Variants in TNFAIP6 observed in about 807,000 individuals in gnomAD.
The protein encoded by TNFAIP6 is TNF alpha induced protein 6.
In TNFAIP6, 36 loss-of-function variants were observed where a neutral mutation model predicts 33.7. That is an observed-to-expected ratio of 1.07 (90% CI 0.82 to 1.41). The LOEUF is 1.41. TNFAIP6 is among the 40% of genes most tolerant of loss of function. The pLI, the probability that TNFAIP6 is intolerant of heterozygous loss-of-function variation, is 0.00. For missense variants in TNFAIP6, 273 were observed against 331.9 expected (o/e 0.82, Z 1.38); for synonymous variants, 113 against 112.8 (o/e 1.00, Z -0.01).
At chr2:151,378,583 G>T (rs946927686) in intron 5 of TNFAIP6, among the ~76,000 whole-genome samples, 1 of 151,690 alleles carries the variant, frequency 6.6e-6, no homozygotes, top group African/African-American at 2.4e-5. Flanking sequence ...CCGCCTCCCG[G>T]GTTCAAGGAT....
At chr2:151,369,324 A>G (rs1045373519) in intron 3 of TNFAIP6, among the ~76,000 whole-genome samples, 2 of 152,162 alleles carry the variant, frequency 1.3e-5, no homozygotes. Flanking sequence ...ATTTATTTTT[A>G]TTTTTATTTT....
intron 3 of TNFAIP6, among the ~76,000 whole-genome samples, chr2:151,368,720 GAGTGACTTTAA>G (rs1684758696): frequency 6.6e-6 from 1 of 152,018 alleles, no homozygotes; most frequent in Non-Finnish European, 1.5e-5. Flanking sequence ...AAGTGGATTA[GAGTGACTTTAA>G]AGTCTCTTGC....
intron 3 of TNFAIP6, 116 bp downstream of exon 3, chr2:151,366,333 A>G (rs1332888931): frequency 1.2e-6 from 1 of 826,440 alleles, no homozygotes; most frequent in Non-Finnish European, 1.9e-6. Context: ...AATAATAACT[A>G]CTACTAATAA....
rs770776220 is a variant in TNFAIP6, at chr2:151,370,012, C to T, written c.395-8C>T. The T allele has an allele frequency of 6.3e-6, 10 of 1,586,476 alleles. No individual in the cohort carries two copies. The highest frequency in any genetic ancestry group is 5.5e-5 in the Admixed American group (3 of 54,720). ...GGGGTTTTTACGTTTTTTTTCTTCT[C>T]ATTTCAGCAAAGGAGTGTGGTGGCG... On this transcript the variant is annotated splice_polypyrimidine_tract_variant and splice_region_variant and intron_variant, in intron 3 of 5. Coordinates refer to ENST00000243347, the MANE Select transcript of TNFAIP6 (RefSeq NM_007115.4).
chr2:151,370,150 G>A lies in TNFAIP6; in HGVS notation c.525G>A (p.Leu175=), dbSNP rs1366463417. 1 of 1,613,974 alleles carries A rather than the reference G, an allele frequency of 6.2e-7. No individual in the cohort carries two copies. Among genetic ancestry groups the A allele is most frequent in the African/African-American group, 1.3e-5 (1 of 74,900 alleles). Residue 175 remains leucine (L), a synonymous_variant, in exon 4 of 6, where the codon CTG becomes CTA. Coordinates refer to ENST00000243347, the MANE Select transcript of TNFAIP6 (RefSeq NM_007115.4). ...IRLKYGQRIH[L]SFLDFDLEDD... ...TCAAGTATGGTCAGCGTATTCACCT[G>A]AGTTTTTTAGATTTTGACCTTGAAG...
Position 151,379,353 on chromosome 2 carries a change from C to T in TNFAIP6, c.665-11C>T. Reference sequence around the variant, plus strand: ...AACATCTTTGTTCTTTTGCCTCCTTCCCCGCAACAGGAAATGTCATGACCT... The same window carrying T: ...AACATCTTTGTTCTTTTGCCTCCTTTCCCGCAACAGGAAATGTCATGACCT... On this transcript the variant is annotated splice_polypyrimidine_tract_variant and intron_variant, in intron 5 of 5. Coordinates refer to ENST00000243347, the MANE Select transcript of TNFAIP6 (RefSeq NM_007115.4). The T allele has an allele frequency of 6.3e-7, 1 of 1,575,978 alleles. No individual in the cohort carries two copies. The highest frequency in any genetic ancestry group is 8.6e-7 in the Non-Finnish European group (1 of 1,167,446).
chr2:151,358,035 T>G (rs954144942), intron 1 of TNFAIP6, among the ~76,000 whole-genome samples: 1 of 152,198 alleles, frequency 6.6e-6, no homozygotes, highest in Admixed American at 6.5e-5. Flanking sequence ...TTTAAACTTT[T>G]CAAAGCAGAT....
Position 151,364,086 on chromosome 2 carries a change from T to G in TNFAIP6, c.232+6T>G. The stretch of plus-strand genomic sequence containing the variant: ...AGAGGCAGCCAGAAAAATTGGTAAC[T>G]GATTTCACAATGATTTTTCTTCTTT... On this transcript the variant is annotated splice_donor_region_variant and intron_variant, in intron 2 of 5. Coordinates refer to ENST00000243347, the MANE Select transcript of TNFAIP6 (RefSeq NM_007115.4). The G allele has an allele frequency of 1.2e-6, 2 of 1,612,974 alleles. No homozygotes were observed. Among genetic ancestry groups the G allele is most frequent in the Non-Finnish European group, 1.7e-6 (2 of 1,179,708 alleles).
downstream of TNFAIP6, among the ~76,000 whole-genome samples, chr2:151,380,560 A>G (rs1470213026): frequency 6.6e-6 from 1 of 152,190 alleles, no homozygotes; most frequent in African/African-American, 2.4e-5. Context: ...TTTAAAATAG[A>G]ATGAGTGTTC....
chr2:151,370,464 T>C (rs1428027998), intron 4 of TNFAIP6, among the ~76,000 whole-genome samples: 1 of 150,210 alleles, frequency 6.7e-6, no homozygotes, highest in Non-Finnish European at 1.5e-5. Context: ...GGCTAAGTTG[T>C]AAGAACTAGT....
At chr2:151,372,220 A>T (rs1344423583) in intron 4 of TNFAIP6, 2 of 152,214 alleles carry the variant, frequency 1.3e-5, no homozygotes, top group African/African-American at 4.8e-5. Context: ...CCGTGCTGAG[A>T]ATTGGGAAGG....
At chr2:151,367,485 G>A (rs1299878893) in intron 3 of TNFAIP6, among the ~76,000 whole-genome samples, 1 of 151,786 alleles carries the variant, frequency 6.6e-6, no homozygotes, top group Admixed American at 6.6e-5. Flanking sequence ...CTTTTCAAAT[G>A]TATTCTCTGA....
At chr2:151,362,625 G>A (rs369833525) in intron 1 of TNFAIP6, among the ~76,000 whole-genome samples, 3 of 151,138 alleles carry the variant, frequency 2.0e-5, no homozygotes, top group Admixed American at 1.3e-4. Context: ...CGAGTAGCTG[G>A]GACTACAGGT....
intron 5 of TNFAIP6, among the ~76,000 whole-genome samples, chr2:151,373,923 A>T (rs1684856084): frequency 6.6e-6 from 1 of 152,122 alleles, no homozygotes. Context: ...TTCATTGATA[A>T]AGGGTTGAAG....
At chr2:151,367,331 T>C (rs568054514) in intron 3 of TNFAIP6, among the ~76,000 whole-genome samples, 3 of 152,310 alleles carry the variant, frequency 2.0e-5, no homozygotes, top group South Asian at 4.1e-4. Context: ...TTTAAGCTTA[T>C]TTAGTCCTAT....
At chr2:151,361,302 C>G (rs992935913) in intron 1 of TNFAIP6, among the ~76,000 whole-genome samples, 1 of 152,098 alleles carries the variant, frequency 6.6e-6, no homozygotes. Flanking sequence ...TCTGGAACTT[C>G]TAACCTCAGG....
intron 2 of TNFAIP6, among the ~76,000 whole-genome samples, chr2:151,364,552 T>G (rs1439497277): frequency 6.6e-6 from 1 of 152,168 alleles, no homozygotes; most frequent in Non-Finnish European, 1.5e-5. Flanking sequence ...GTATTTGTAC[T>G]TCAGGATCAA....
chr2:151,371,874 T>C (rs13382242), intron 4 of TNFAIP6: 72,617 of 152,098 alleles, frequency 0.48, 17,840 homozygotes, highest in South Asian at 0.61. Context: ...GGATTACAGG[T>C]GTGAGCCACC....
chr2:151,361,201 A>G (rs34601164), intron 1 of TNFAIP6, among the ~76,000 whole-genome samples: 48,758 of 151,766 alleles, frequency 0.32, 9,502 homozygotes, highest in Admixed American at 0.49. Flanking sequence ...CAGCCTTCCA[A>G]GTAGCTGGGA....
Sources: gnomAD v4.1 joint callset for allele counts (sites outside exome capture counted in the v4.1 genomes callset) on GRCh38, gnomAD v4.1.1 for gene constraint, MANE v1.5 for transcripts, NCBI Gene and HGNC (gene_info 2026-07-23, HGNC 2026-07-21) for gene names.